The following GABRG3 variants were observed in gnomAD, a reference collection of about 807,000 sequenced individuals.
The protein encoded by GABRG3 is gamma-aminobutyric acid type A receptor subunit gamma3, also known as gamma-aminobutyric acid receptor subunit gamma-3.
A neutral mutation model predicts 48.8 loss-of-function variants in GABRG3; 25 were observed. The observed-to-expected ratio is 0.51, with a 90% CI of 0.37 to 0.72. The LOEUF (loss-of-function observed/expected upper bound fraction) is 0.72. GABRG3 is among the 30% of genes least tolerant of loss of function. GABRG3 has a pLI of 0.00. For missense variants in GABRG3, 394 were observed against 577.9 expected, an observed-to-expected ratio of 0.68 and a Z score of 3.26; for synonymous variants, 227 against 217.6, an observed-to-expected ratio of 1.04 and a Z score of -0.38.
chr15:27,083,624 C>T (rs1319699208), intron 3 of GABRG3, among the ~76,000 whole-genome samples: 1 of 152,092 alleles, frequency 6.6e-6, no homozygotes, highest in African/African-American at 2.4e-5. Context: ...CCGTGCCCAG[C>T]CAACTTTTCT....
chr15:27,163,788 T>C (rs1295843906), intron 3 of GABRG3, among the ~76,000 whole-genome samples: 1 of 152,206 alleles, frequency 6.6e-6, no homozygotes, highest in Non-Finnish European at 1.5e-5. Flanking sequence ...TCTCTCCTAA[T>C]GTAAGCATCA....
intron 5 of GABRG3, among the ~76,000 whole-genome samples, chr15:27,466,088 T>C (rs1034517242): frequency 5.3e-5 from 8 of 152,220 alleles, no homozygotes; most frequent in Admixed American, 6.5e-5. Flanking sequence ...CAAGGCCCCT[T>C]ATTTCATAAG....
intron 5 of GABRG3, among the ~76,000 whole-genome samples, chr15:27,393,870 C>T (rs1422355810): frequency 3.3e-5 from 5 of 152,236 alleles, no homozygotes; most frequent in East Asian, 3.9e-4. Context: ...AATGGGCTTA[C>T]GATCTATGCC....
chr15:27,189,335 C>T (rs1381661833), intron 3 of GABRG3, among the ~76,000 whole-genome samples: 6 of 151,952 alleles, frequency 3.9e-5, no homozygotes, highest in East Asian at 1.9e-4. Flanking sequence ...GCCATTTTCA[C>T]GATATTGATT....
At chr15:27,210,080 G>A (rs1449231608) in intron 3 of GABRG3, among the ~76,000 whole-genome samples, 2 of 152,144 alleles carry the variant, frequency 1.3e-5, no homozygotes, top group Non-Finnish European at 2.9e-5. Flanking sequence ...ATATGAATTT[G>A]GGGGGACACA....
At chr15:26,991,320 T>C (rs1754812799) in intron 2 of GABRG3, among the ~76,000 whole-genome samples, 1 of 152,316 alleles carries the variant, frequency 6.6e-6, no homozygotes, top group South Asian at 2.1e-4. Context: ...TTTGTTACTA[T>C]AGCCTTGTAA....
chr15:27,401,866 C>A (rs989865770), intron 5 of GABRG3, among the ~76,000 whole-genome samples: 3 of 152,158 alleles, frequency 2.0e-5, no homozygotes, highest in Non-Finnish European at 4.4e-5. Context: ...AGAGGAGAAT[C>A]ATGTCTTTTC....
intron 3 of GABRG3, among the ~76,000 whole-genome samples, chr15:27,044,741 G>A (rs1483844206): frequency 6.6e-6 from 1 of 152,222 alleles, no homozygotes; most frequent in East Asian, 1.9e-4. Flanking sequence ...AATGGACAGA[G>A]AAAAGGAAAT....
chr15:27,027,007 G>A, intron 3 of GABRG3, 186 bp downstream of exon 3: 1 of 470,884 alleles, frequency 2.1e-6, no homozygotes, highest in Non-Finnish European at 3.8e-6. Context: ...GCTTGTGATG[G>A]TAGTAGCATT....
chr15:27,159,214 G>C (rs1237539464), intron 3 of GABRG3, among the ~76,000 whole-genome samples: 1 of 152,104 alleles, frequency 6.6e-6, no homozygotes, highest in Non-Finnish European at 1.5e-5. Flanking sequence ...GGGCATGGTG[G>C]TTCACGCCTA....
At chr15:27,357,689 C>T (rs1223201338) in intron 5 of GABRG3, among the ~76,000 whole-genome samples, 1 of 152,212 alleles carries the variant, frequency 6.6e-6, no homozygotes, top group African/African-American at 2.4e-5. Flanking sequence ...TCTGCTTCCG[C>T]ATTCAATCTG....
At chr15:27,438,174 G>A (rs1334136129) in intron 5 of GABRG3, among the ~76,000 whole-genome samples, 2 of 152,164 alleles carry the variant, frequency 1.3e-5, no homozygotes, top group Admixed American at 6.5e-5. Flanking sequence ...ATTTCTGTAC[G>A]CTAAGTCAGA....
At chr15:27,459,249 T>C (rs899993919) in intron 5 of GABRG3, among the ~76,000 whole-genome samples, 8 of 152,212 alleles carry the variant, frequency 5.3e-5, no homozygotes, top group African/African-American at 1.9e-4. Context: ...TAGAGTCTTG[T>C]GTTCCTGCTG....
rs893181917 is a variant in GABRG3 at position 27,226,168 on chromosome 15, G to A, written c.271-100641G>A. On this transcript the variant is annotated intron_variant, in intron 3 of 9. Coordinates refer to ENST00000615808, the MANE Select transcript of GABRG3 (RefSeq NM_033223.5). Reference sequence around the variant, plus strand: ...GCTGGCAGAGGGGTGAGAATAGAGCGCCCAGGGATGAGGACCTGGCACTCC... The same window carrying A: ...GCTGGCAGAGGGGTGAGAATAGAGCACCCAGGGATGAGGACCTGGCACTCC... Among the ~76,000 whole-genome samples the A allele has an allele frequency of 4.6e-5, 7 of 152,052 alleles. No individual in the cohort carries two copies. The East Asian group carries it at 5.8e-4, about 13-fold the overall frequency.
intron 3 of GABRG3, among the ~76,000 whole-genome samples, chr15:27,095,450 C>T (rs1897254077): frequency 6.6e-6 from 1 of 152,130 alleles, no homozygotes; most frequent in Non-Finnish European, 1.5e-5. Context: ...AGTGATTTCC[C>T]TTGTGTAGGT....
intron 5 of GABRG3, among the ~76,000 whole-genome samples, chr15:27,374,138 C>CT (rs201839822): frequency 0.019 from 1,757 of 91,556 alleles, 60 homozygotes; most frequent in African/African-American, 0.043. Context: ...TTCTTTTCTT[C>CT]TTTTTTTTTT....
intron 5 of GABRG3, among the ~76,000 whole-genome samples, chr15:27,337,248 C>CAT (rs1382362895): frequency 6.6e-6 from 1 of 152,046 alleles, no homozygotes; most frequent in Non-Finnish European, 1.5e-5. Flanking sequence ...TTTCTTAAAT[C>CAT]ATAGCTGTCT....
chr15:27,328,231 C>T (rs980771070), intron 4 of GABRG3, among the ~76,000 whole-genome samples: 1 of 152,144 alleles, frequency 6.6e-6, no homozygotes, highest in Non-Finnish European at 1.5e-5. Context: ...AGCCATACAC[C>T]GGAGACTCTG....
chr15:27,494,477 A>AT (rs1157840043), intron 6 of GABRG3, among the ~76,000 whole-genome samples: 2 of 152,066 alleles, frequency 1.3e-5, no homozygotes, highest in African/African-American at 2.4e-5. Flanking sequence ...GGGACTGAAG[A>AT]TTTTTTGTCG....
Sources: gnomAD v4.1 joint callset for allele counts (sites outside exome capture counted in the v4.1 genomes callset) on GRCh38, gnomAD v4.1.1 for gene constraint, MANE v1.5 for transcripts, NCBI Gene and HGNC (gene_info 2026-07-23, HGNC 2026-07-21) for gene names.